The following PIK3R6 variants were observed in gnomAD, a reference collection of about 807,000 sequenced individuals.
PIK3R6 encodes phosphoinositide 3-kinase regulatory subunit 6.
In PIK3R6, 91 loss-of-function variants were observed where a neutral mutation model predicts 84.9. The observed-to-expected ratio is 1.07, with a 90% confidence interval of 0.90 to 1.28. PIK3R6 has a LOEUF of 1.28. PIK3R6 is among the 50% of genes most tolerant of loss of function. PIK3R6 has a pLI of 0.00. For missense variants in PIK3R6, 996 were observed against 985.1 expected, an observed-to-expected ratio of 1.01 and a Z score of -0.15; for synonymous variants, 416 against 411.4, an observed-to-expected ratio of 1.01 and a Z score of -0.13.
chr17:8,819,723 T>C (rs993562798), intron 17 of PIK3R6, among the ~76,000 whole-genome samples: 6 of 147,380 alleles, frequency 4.1e-5, no homozygotes, highest in Non-Finnish European at 7.4e-5. Flanking sequence ...TATACATATA[T>C]ACACACACAT....
rs375529511 is a variant in PIK3R6, at chr17:8,827,272, G to T, written c.1415C>A (p.Pro472Gln). The change falls in exon 13 of 20, where the codon CCG becomes CAG. Residue 472 changes from proline to glutamine, a missense_variant. Physicochemically the swap from Pro to Gln is moderately conservative, Grantham distance 76. Coordinates refer to ENST00000619866, the MANE Select transcript of PIK3R6 (RefSeq NM_001010855.4). ...APEKPAASRQ[P>Q]ELGELATFLG... The stretch of plus-strand genomic sequence containing the variant: ...GAACGTAGCCAGCTCTCCCAGCTCC[G>T]GCTGCCTGGATGCTGCAGGCTTCTG... 2.0e-5 allele frequency: 31 copies of T among 1,562,476 alleles called. No individual in the cohort carries two copies. Among genetic ancestry groups the T allele is most frequent in the Non-Finnish European group, 2.6e-5 (30 of 1,153,710 alleles).
intron 2 of PIK3R6, among the ~76,000 whole-genome samples, chr17:8,849,229 C>T (rs1465636966): frequency 6.6e-6 from 1 of 152,244 alleles, no homozygotes; most frequent in East Asian, 1.9e-4. Context: ...CCCCACCTCA[C>T]AGAATCCTTC....
intron 12 of PIK3R6, 78 bp downstream of exon 12, chr17:8,828,034 G>A: frequency 7.0e-7 from 1 of 1,428,520 alleles, no homozygotes; most frequent in Non-Finnish European, 9.8e-7. Flanking sequence ...GGGATGTGGG[G>A]GATGCGGGGC....
chr17:8,822,503 A>T (rs59338144), intron 16 of PIK3R6, 84 bp downstream of exon 16: 1 of 1,472,750 alleles, frequency 6.8e-7, no homozygotes, highest in Non-Finnish European at 9.4e-7. Context: ...CTTTGGCTCT[A>T]TCTGCTTCCC....
At position 8,819,392 on chromosome 17, in the gene PIK3R6, G is replaced by A. The variant is rs569892284; in HGVS notation, c.1880-194C>T. The stretch of plus-strand genomic sequence containing the variant: ...CTCAATCATCCATCTTCCTTCCCTG[G>A]TGAATCCACAAGTTTCTGTATCCTC... On this transcript the variant is annotated intron_variant, in intron 17 of 19. Coordinates refer to ENST00000619866, the MANE Select transcript of PIK3R6 (RefSeq NM_001010855.4). 2.6e-5 allele frequency among the ~76,000 whole-genome samples: 4 copies of A among 151,960 alleles called. No individual in the cohort carries two copies. The South Asian group carries it at 8.3e-4, about 32-fold the overall frequency.
intron 1 of PIK3R6, among the ~76,000 whole-genome samples, chr17:8,852,543 G>C (rs1435912945): frequency 1.3e-5 from 2 of 152,000 alleles, no homozygotes; most frequent in Non-Finnish European, 2.9e-5. Context: ...TTCGAGACCA[G>C]CCTGACCAAC....
chr17:8,837,908 G>A (rs769574974), intron 4 of PIK3R6, 37 bp from the exon 5 acceptor site: 6 of 1,580,436 alleles, frequency 3.8e-6, no homozygotes, highest in Non-Finnish European at 4.3e-6. Context: ...GTATTGGGCT[G>A]GGGGAATCCC....
At chr17:8,809,928 TA>T (rs2087306764) in intron 18 of PIK3R6, among the ~76,000 whole-genome samples, 1 of 151,904 alleles carries the variant, frequency 6.6e-6, no homozygotes, top group South Asian at 2.1e-4. Context: ...TCTATAATGA[TA>T]AAGGGATCAA....
At position 8,803,519 on chromosome 17, in the gene PIK3R6, C is replaced by T; in HGVS notation, c.2109-90G>A. The T allele has an allele frequency of 7.6e-7, 1 of 1,311,690 alleles. No individual in the cohort carries two copies. Among genetic ancestry groups the T allele is most frequent in the Non-Finnish European group, 1.0e-6 (1 of 960,934 alleles). The allele number at this position is 1,311,690 out of a possible 1,614,324, so 81.3% of individuals were successfully genotyped here. The stretch of plus-strand genomic sequence containing the variant: ...AAAGGCAGAGCTGTTATTGTAGGGC[C>T]TAGAGCTGTTATTGTAGGGCATAGA... On this transcript the variant is annotated intron_variant, in intron 19 of 19. Transcript: ENST00000619866. The surrounding 1 kb of genome is among the most constrained non-coding windows in gnomAD (Gnocchi z 5.0).
chr17:8,828,643 G>GC lies in PIK3R6; in HGVS notation c.1236dup (p.Leu413AlafsTer12). The GC allele has an allele frequency of 6.2e-7, 1 of 1,613,168 alleles. No homozygotes were observed. Among genetic ancestry groups the GC allele is most frequent in the Non-Finnish European group, 8.5e-7 (1 of 1,179,630 alleles). On this transcript the variant is annotated frameshift_variant, in exon 11 of 20. Coordinates refer to ENST00000619866, the MANE Select transcript of PIK3R6 (RefSeq NM_001010855.4). LOFTEE classifies it high-confidence loss of function. ...AGCACAAGTACCCGGGCTGTGTGCA[G>GC]CCGGGACACGCCGGGCAGCATTTCC...
intron 18 of PIK3R6, 128 bp downstream of exon 18, chr17:8,818,955 C>A: frequency 1.6e-6 from 1 of 638,586 alleles, no homozygotes; most frequent in Non-Finnish European, 2.6e-6. Context: ...AAGACCCACT[C>A]CAATAGCAAA....
At chr17:8,866,699 G>A (rs1052950551) in intron 1 of PIK3R6, among the ~76,000 whole-genome samples, 1 of 152,018 alleles carries the variant, frequency 6.6e-6, no homozygotes, top group Non-Finnish European at 1.5e-5. Context: ...TTGCACACCA[G>A]GTCCTCCCTT....
At position 8,839,686 on chromosome 17, in the gene PIK3R6, C is replaced by G; in HGVS notation, c.25G>C (p.Asp9His). ...ACAGCCTGCACGCTCCTCTGGAGGT[C>G]CAGCTCCACATCTGGGCAGTGGTAG... MESSDVELDLQRSVQAVLR... is the reference protein window; with the variant it reads MESSDVELHLQRSVQAVLR... Residue 9 changes from aspartate to histidine, a missense_variant, in exon 3 of 20, where the codon GAC (aspartate) becomes CAC (histidine). By Grantham distance (81) the Asp-to-His change is moderately conservative. Transcript: ENST00000619866. The surrounding 1 kb of genome is among the most constrained non-coding windows in gnomAD (Gnocchi z 4.2). 6.4e-7 allele frequency: 1 copy of G among 1,573,118 alleles called. No homozygotes were observed. Among genetic ancestry groups the G allele is most frequent in the Non-Finnish European group, 8.6e-7 (1 of 1,158,612 alleles).
intron 7 of PIK3R6, among the ~76,000 whole-genome samples, 152 bp downstream of exon 7, chr17:8,836,395 C>T (rs1394859231): frequency 6.6e-6 from 1 of 152,214 alleles, no homozygotes; most frequent in Non-Finnish European, 1.5e-5. Context: ...ATGGCAAACG[C>T]ACCCCACTGC....
chr17:8,834,800 C>T lies in PIK3R6; in HGVS notation c.645+473G>A, dbSNP rs112833424. 9.6e-3 allele frequency among the ~76,000 whole-genome samples: 1,460 copies of T among 152,034 alleles called. 26 individuals carry two copies. The highest frequency in any genetic ancestry group is 0.033 in the African/African-American group (1,386 of 41,452). Reference sequence around the variant, plus strand: ...CTTTCGGGGCTGAGACACTCATTCACCCTGCTGCTAGGAATACTGGCATTA... The same window carrying T: ...CTTTCGGGGCTGAGACACTCATTCATCCTGCTGCTAGGAATACTGGCATTA... On this transcript the variant is annotated intron_variant, in intron 8 of 19. Coordinates refer to ENST00000619866, the MANE Select transcript of PIK3R6 (RefSeq NM_001010855.4).
At chr17:8,816,643 T>C (rs1444419005) in intron 18 of PIK3R6, among the ~76,000 whole-genome samples, 3 of 152,094 alleles carry the variant, frequency 2.0e-5, no homozygotes, top group African/African-American at 7.2e-5. Flanking sequence ...AGAATACAAA[T>C]AGGAAATGTA....
rs767420830 is a variant in PIK3R6, at chr17:8,828,911, G to C, written c.969C>G (p.Gly323=). Residue 323 remains glycine, a synonymous_variant, in exon 11 of 20, where the codon GGC becomes GGG. Transcript: ENST00000619866. ...GGGCCAACTCCCGGTCCGGCCGGAG[G>C]CCCTGCAGATCCAAGACCTCCAAGT... The part of the protein sequence containing the change: ...SADLEVLDLQ[G]LRPDRELARV... The C allele has an allele frequency of 2.6e-6, 4 of 1,543,948 alleles. No individual in the cohort carries two copies. The South Asian group carries it at 5.0e-5, about 19-fold the overall frequency.
intron 1 of PIK3R6, among the ~76,000 whole-genome samples, chr17:8,856,700 C>T (rs1156306741): frequency 1.3e-5 from 2 of 152,148 alleles, no homozygotes; most frequent in African/African-American, 2.4e-5. Flanking sequence ...CAGTCTCTTA[C>T]CTTTTAATGA....
intron 1 of PIK3R6, among the ~76,000 whole-genome samples, chr17:8,860,852 C>T (rs1160687662): frequency 1.3e-5 from 2 of 152,122 alleles, no homozygotes; most frequent in Admixed American, 1.3e-4. Context: ...AGGCACACCA[C>T]ACCAGCACTA....
Sources: allele counts gnomAD v4.1 joint callset (sites outside exome capture counted in the v4.1 genomes callset), GRCh38; gene constraint gnomAD v4.1.1; non-coding constraint Gnocchi (gnomAD v3.1); transcripts MANE v1.5; gene names NCBI Gene and HGNC (gene_info 2026-07-23, HGNC 2026-07-21).